MTIF2: variants seen among roughly 807,000 people sequenced by gnomAD.
The protein encoded by MTIF2 is translation initiation factor IF-2, mitochondrial.
MTIF2 carries 71 observed loss-of-function variants against 83.5 expected under a neutral mutation model. The observed-to-expected ratio is 0.85, with a 90% CI of 0.70 to 1.04. The LOEUF is 1.04. Among genes scored for constraint, MTIF2 ranks in the 50% least tolerant of loss-of-function variants. The pLI, the probability that MTIF2 is intolerant of heterozygous loss-of-function variation, is 0.00. For synonymous variants in MTIF2, 319 were observed against 287.1 expected, an observed-to-expected ratio of 1.11 and a Z score of -1.12; for missense variants, 957 against 846.5, an observed-to-expected ratio of 1.13 and a Z score of -1.62.
At chr2:55,258,285 T>C (rs920104934) in intron 5 of MTIF2, among the ~76,000 whole-genome samples, 18 of 152,326 alleles carry the variant, frequency 1.2e-4, no homozygotes, top group Non-Finnish European at 2.1e-4. Flanking sequence ...TACCACATGC[T>C]TTCCCAAGGA....
At chr2:55,267,764 T>C (rs951202184) in intron 2 of MTIF2, 129 bp from the exon 3 acceptor site, 3 of 152,308 alleles carry the variant, frequency 2.0e-5, no homozygotes, top group Non-Finnish European at 4.4e-5. Context: ...CATGTCTTGA[T>C]ACTCGCTTAT....
rs372181816 is a variant in MTIF2 at position 55,256,058 on chromosome 2, G to A, written c.332-1233C>T. On this transcript the variant is annotated intron_variant, in intron 5 of 15. Transcript: ENST00000263629. ...TCCCTGGCTAATTTTTCTATTTTTTGTAGACAGGGTTTCACCATGTTGGCT... is the reference window on the plus strand; with the variant it reads ...TCCCTGGCTAATTTTTCTATTTTTTATAGACAGGGTTTCACCATGTTGGCT... 2.0e-5 allele frequency among the ~76,000 whole-genome samples: 3 copies of A among 152,056 alleles called. No homozygotes were observed. In the East Asian group the frequency reaches 5.8e-4, roughly 30 times the overall value.
intron 5 of MTIF2, among the ~76,000 whole-genome samples, chr2:55,260,075 T>C (rs542678350): frequency 6.6e-6 from 1 of 152,284 alleles, no homozygotes; most frequent in South Asian, 2.1e-4. Flanking sequence ...AGCTATAAAA[T>C]GACTGAATAA....
intron 15 of MTIF2, 115 bp from the exon 16 acceptor site, chr2:55,236,935 T>G: frequency 1.1e-6 from 1 of 898,836 alleles, no homozygotes; most frequent in Non-Finnish European, 1.6e-6. Context: ...AATTTTATGG[T>G]CTTGTCAAGT....
Position 55,254,780 on chromosome 2 carries a change from G to T in MTIF2, c.377C>A (p.Ser126Ter), listed in dbSNP as rs368610419. ...ALLNTDIDID[S>*]LEADSHLDEV... Reference sequence around the variant, plus strand: ...ATCTAAATGTGAGTCTGCTTCCAGTGAATCTATGTCAATATCAGTGTTCAA... The same window carrying T: ...ATCTAAATGTGAGTCTGCTTCCAGTTAATCTATGTCAATATCAGTGTTCAA... The change falls in exon 6 of 16, where the codon TCA becomes TAA. Residue 126 changes from serine (S) to a stop codon, truncating the protein, a stop_gained. Transcript: ENST00000263629. LOFTEE classifies it high-confidence loss of function. 1 of 1,608,450 alleles carries T rather than the reference G, an allele frequency of 6.2e-7. No individual in the cohort carries two copies. The highest frequency in any genetic ancestry group is 8.5e-7 in the Non-Finnish European group (1 of 1,177,668).
Position 55,244,068 on chromosome 2 carries a change from A to T in MTIF2, c.1272T>A (p.Leu424=). 1 of 1,614,128 alleles carries T rather than the reference A, an allele frequency of 6.2e-7. No individual in the cohort carries two copies. The highest frequency in any genetic ancestry group is 8.5e-7 in the Non-Finnish European group (1 of 1,180,014). Residue 424 remains leucine, a synonymous_variant, in exon 11 of 16, where the codon CTT becomes CTA. Coordinates refer to ENST00000263629, the MANE Select transcript of MTIF2 (RefSeq NM_002453.3). ...CAAGAATTTCTTCTCCTGCAGAAGG[A>T]AGGTCTCTCCAGCCTGTAATTCCCA... ...MPVGITGWRD[L]PSAGEEILEV...
chr2:55,265,712 T>A (rs1162443984), intron 3 of MTIF2, among the ~76,000 whole-genome samples: 3 of 152,168 alleles, frequency 2.0e-5, no homozygotes, highest in African/African-American at 4.8e-5. Flanking sequence ...AATAAGGTCA[T>A]ATTAATTTTG....
intron 13 of MTIF2, among the ~76,000 whole-genome samples, chr2:55,240,824 G>A (rs1216101814): frequency 3.9e-5 from 6 of 152,034 alleles, no homozygotes; most frequent in Non-Finnish European, 8.8e-5. Context: ...AAAATGACCA[G>A]GGCTAAAATA....
chr2:55,261,941 C>CAAAAAAAAAAAAAA (rs5831348), intron 5 of MTIF2, among the ~76,000 whole-genome samples: 3 of 87,124 alleles, frequency 3.4e-5, no homozygotes, highest in Non-Finnish European at 5.2e-5. Context: ...AAAAAAAAAC[C>CAAAAAAAAAAAAAA]AAAAAAAAAA....
At chr2:55,266,980 G>A (rs1678482649) in intron 3 of MTIF2, among the ~76,000 whole-genome samples, 2 of 151,924 alleles carry the variant, frequency 1.3e-5, no homozygotes, top group African/African-American at 4.8e-5. Flanking sequence ...ATGTTGGCCA[G>A]GCTAGTCTCA....
chr2:55,240,652 A>T (rs1676239868), intron 13 of MTIF2, among the ~76,000 whole-genome samples: 2 of 152,228 alleles, frequency 1.3e-5, no homozygotes, highest in Non-Finnish European at 2.9e-5. Flanking sequence ...TACGTTTTCC[A>T]ATTGATGAAA....
chr2:55,255,815 C>T (rs2104415102), intron 5 of MTIF2, among the ~76,000 whole-genome samples: 1 of 152,146 alleles, frequency 6.6e-6, no homozygotes, highest in Middle Eastern at 3.4e-3. Context: ...AATGGACAAC[C>T]CACATCTTTC....
chr2:55,242,114 C>A (rs1676361773), intron 13 of MTIF2, among the ~76,000 whole-genome samples: 2 of 150,516 alleles, frequency 1.3e-5, no homozygotes, highest in African/African-American at 4.9e-5. Flanking sequence ...TGCACTCCAG[C>A]CTGGGCAAAA....
At chr2:55,252,744 A>C (rs1348980622) in intron 7 of MTIF2, 91 bp from the exon 8 acceptor site, 7 of 841,182 alleles carry the variant, frequency 8.3e-6, no homozygotes, top group Non-Finnish European at 1.3e-5. Context: ...GAAACCATCA[A>C]TAATTCTTTA....
At chr2:55,261,264 C>A (rs972257366) in intron 5 of MTIF2, among the ~76,000 whole-genome samples, 1 of 152,114 alleles carries the variant, frequency 6.6e-6, no homozygotes, top group Non-Finnish European at 1.5e-5. Flanking sequence ...AGCCACCGTG[C>A]CTGGCTACTA....
chr2:55,254,601 T>C, intron 6 of MTIF2, 53 bp downstream of exon 6: 1 of 1,371,608 alleles, frequency 7.3e-7, no homozygotes. Context: ...AAAGTGTAAA[T>C]ATAACTATGT....
chr2:55,248,218 A>G (rs1252300298), intron 9 of MTIF2, among the ~76,000 whole-genome samples: 1 of 152,210 alleles, frequency 6.6e-6, no homozygotes, highest in Non-Finnish European at 1.5e-5. Flanking sequence ...TAGTAAGCCT[A>G]ACATTTGGCT....
At chr2:55,262,010 C>T (rs1342314777) in intron 5 of MTIF2, among the ~76,000 whole-genome samples, 1 of 150,792 alleles carries the variant, frequency 6.6e-6, no homozygotes, top group Non-Finnish European at 1.5e-5. Context: ...ATAAGTATAG[C>T]CCCTCAGTCT....
chr2:55,263,892 T>A, intron 3 of MTIF2, 27 bp from the exon 4 acceptor site: 1 of 1,530,996 alleles, frequency 6.5e-7, no homozygotes, highest in Admixed American at 1.7e-5. Flanking sequence ...GGTTTTAAAA[T>A]AATATTCAAA....
Sources: gnomAD v4.1 joint callset for allele counts (sites outside exome capture counted in the v4.1 genomes callset) on GRCh38, gnomAD v4.1.1 for gene constraint, MANE v1.5 for transcripts, NCBI Gene and HGNC (gene_info 2026-07-23, HGNC 2026-07-21) for gene names.